The following ST6GALNAC3 variants were observed in gnomAD, a reference collection of about 807,000 sequenced individuals.
The protein encoded by ST6GALNAC3 is alpha-N-acetylgalactosaminide alpha-2,6-sialyltransferase 3.
Under a neutral mutation model 32.7 loss-of-function variants are expected in ST6GALNAC3, and 25 were observed. The ratio of observed to expected loss-of-function variants is 0.76; its 90% CI spans 0.56 to 1.07. The LOEUF (loss-of-function observed/expected upper bound fraction) is 1.07. Ranked by LOEUF, ST6GALNAC3 falls within the 50% of genes least tolerant of loss-of-function variation. ST6GALNAC3 has a pLI of 0.00. For synonymous variants in ST6GALNAC3, 129 were observed against 133.1 expected, an observed-to-expected ratio of 0.97 and a Z score of 0.21; for missense variants, 355 against 382.4, an observed-to-expected ratio of 0.93 and a Z score of 0.60.
chr1:76,598,738 TA>T (rs34725000), intron 3 of ST6GALNAC3, among the ~76,000 whole-genome samples: 26,258 of 144,848 alleles, frequency 0.18, 3,118 homozygotes, highest in African/African-American at 0.35. Flanking sequence ...CTTCACAAAT[TA>T]AAAAAAAAAA....
intron 1 of ST6GALNAC3, among the ~76,000 whole-genome samples, chr1:76,190,136 A>G (rs1202740563): frequency 1.3e-5 from 2 of 152,268 alleles, no homozygotes; most frequent in Non-Finnish European, 1.5e-5. Flanking sequence ...CACTCATGAC[A>G]TTTCACCTGT....
chr1:76,279,711 C>T (rs1482993147), intron 1 of ST6GALNAC3, among the ~76,000 whole-genome samples: 1 of 152,170 alleles, frequency 6.6e-6, no homozygotes, highest in Non-Finnish European at 1.5e-5. Flanking sequence ...GAGGGCTCCT[C>T]AGGTTTTAGA....
chr1:76,499,181 C>G (rs952422432), intron 3 of ST6GALNAC3, among the ~76,000 whole-genome samples: 2 of 152,142 alleles, frequency 1.3e-5, no homozygotes, highest in Admixed American at 1.3e-4. Context: ...TTTTCACTAA[C>G]TGGCATAATT....
At chr1:76,614,718 C>CAAAAAAAAAAAAAAAAAAAAAA (rs55744575) in intron 3 of ST6GALNAC3, among the ~76,000 whole-genome samples, 1 of 67,522 alleles carries the variant, frequency 1.5e-5, no homozygotes, top group Non-Finnish European at 2.6e-5. Context: ...GACTCCATCT[C>CAAAAAAAAAAAAAAAAAAAAAA]AAAAAAAAAA....
At chr1:76,593,176 A>T (rs953440652) in intron 3 of ST6GALNAC3, among the ~76,000 whole-genome samples, 2 of 152,184 alleles carry the variant, frequency 1.3e-5, no homozygotes, top group African/African-American at 2.4e-5. Context: ...TGAATCATTT[A>T]TCAGTTTTCC....
At position 76,633,148 on chromosome 1, in the gene ST6GALNAC3, T is replaced by C. The variant is rs1332464174; in HGVS notation, c.*4342T>C. 1.3e-5 allele frequency: 2 copies of C among 152,206 alleles called. No individual in the cohort carries two copies. Among genetic ancestry groups the C allele is most frequent in the Non-Finnish European group, 2.9e-5 (2 of 68,028 alleles). The allele number at this position is 152,206 out of a possible 1,614,324, so 9.4% of individuals were successfully genotyped here. A position where few individuals can be genotyped will look rare whatever the true frequency, so the allele number is the denominator to read the frequency against. On this transcript the variant is annotated 3_prime_UTR_variant, in exon 5 of 5. Transcript: ENST00000328299. ...AGGTGAAGTGACTTGCCTGTAGTTATAAACTGGACTAATGGCAGTACTGAG... is the reference window on the plus strand; with the variant it reads ...AGGTGAAGTGACTTGCCTGTAGTTACAAACTGGACTAATGGCAGTACTGAG...
chr1:76,206,037 G>T (rs923483541), intron 1 of ST6GALNAC3, among the ~76,000 whole-genome samples: 3 of 152,062 alleles, frequency 2.0e-5, no homozygotes, highest in African/African-American at 7.2e-5. Context: ...TCATATTATG[G>T]CTTGGTTCTA....
chr1:76,101,669 A>G (rs1647231650), intron 1 of ST6GALNAC3, among the ~76,000 whole-genome samples: 1 of 152,176 alleles, frequency 6.6e-6, no homozygotes, highest in South Asian at 2.1e-4. Context: ...TAGATTCTCA[A>G]ATTTTGTCGT....
chr1:76,108,994 C>A (rs1490319041), intron 1 of ST6GALNAC3, among the ~76,000 whole-genome samples: 1 of 152,068 alleles, frequency 6.6e-6, no homozygotes, highest in African/African-American at 2.4e-5. Flanking sequence ...AACCAGAAAG[C>A]TGCCATACTG....
chr1:76,600,433 A>T (rs940360792), intron 3 of ST6GALNAC3, among the ~76,000 whole-genome samples: 2 of 150,710 alleles, frequency 1.3e-5, no homozygotes, highest in Admixed American at 1.3e-4. Flanking sequence ...TTTCAACCCC[A>T]CCCCTATTAT....
chr1:76,422,158 A>G lies in ST6GALNAC3; in HGVS notation c.623+9741A>G, dbSNP rs149395038. Among the ~76,000 whole-genome samples the G allele has an allele frequency of 1.9e-3, 287 of 152,160 alleles. 2 individuals carry two copies. The highest frequency in any genetic ancestry group is 6.7e-3 in the African/African-American group (279 of 41,558). On this transcript the variant is annotated intron_variant, in intron 3 of 4. Transcript: ENST00000328299. ...GTTCACTAATATATCTCAAGCACCT[A>G]GAAGAATATATGTTGTGTAGTAGAC...
In ST6GALNAC3 at chr1:76,196,528, C is replaced by G. The variant is rs865984549; in HGVS notation, c.19-117277C>G. Among the ~76,000 whole-genome samples, 2 of 151,502 alleles carry G rather than the reference C, an allele frequency of 1.3e-5. 1 individual carries two copies. The highest frequency in any genetic ancestry group is 1.3e-4 in the Admixed American group (2 of 15,216). On this transcript the variant is annotated intron_variant, in intron 1 of 4. Coordinates refer to ENST00000328299, the MANE Select transcript of ST6GALNAC3 (RefSeq NM_152996.4). ...TCACCCAGGCTGGAGTGCAATGGCG[C>G]GATCTCGGCTCACTGCAGCCTCCTC... is the stretch of plus-strand genomic sequence containing the variant.
chr1:76,276,315 A>G (rs55930988), intron 1 of ST6GALNAC3, among the ~76,000 whole-genome samples: 43,702 of 151,910 alleles, frequency 0.29, 7,822 homozygotes, highest in Non-Finnish European at 0.4. Flanking sequence ...CTTTGTGTTT[A>G]TCAATATTTT....
intron 1 of ST6GALNAC3, among the ~76,000 whole-genome samples, chr1:76,248,484 A>G (rs1657435256): frequency 6.6e-6 from 1 of 152,164 alleles, no homozygotes; most frequent in African/African-American, 2.4e-5. Flanking sequence ...AGCAGTTCCT[A>G]TTTAAAGACC....
chr1:76,614,760 A>T (rs1032079706), intron 3 of ST6GALNAC3, among the ~76,000 whole-genome samples: 19 of 148,682 alleles, frequency 1.3e-4, no homozygotes, highest in Non-Finnish European at 2.5e-4. Context: ...AAAAATTAAT[A>T]AATACCAATA....
At chr1:76,158,250 T>C (rs1390451525) in intron 1 of ST6GALNAC3, among the ~76,000 whole-genome samples, 2 of 152,246 alleles carry the variant, frequency 1.3e-5, no homozygotes, top group Non-Finnish European at 2.9e-5. Context: ...ACTTTTTTTT[T>C]CTGTCTTTCC....
At chr1:76,567,290 G>T (rs1225947420) in intron 3 of ST6GALNAC3, among the ~76,000 whole-genome samples, 3 of 152,022 alleles carry the variant, frequency 2.0e-5, no homozygotes. Context: ...ATGCAAGCTG[G>T]TATAGGCTCT....
At chr1:76,542,289 A>G (rs949301218) in intron 3 of ST6GALNAC3, among the ~76,000 whole-genome samples, 2 of 152,148 alleles carry the variant, frequency 1.3e-5, no homozygotes, top group African/African-American at 4.8e-5. Context: ...TAGGGGTACT[A>G]GTTTTAGAGT....
intron 1 of ST6GALNAC3, among the ~76,000 whole-genome samples, chr1:76,159,911 A>C (rs76023592): frequency 0.023 from 3,454 of 152,226 alleles, 118 homozygotes; most frequent in African/African-American, 0.079. Flanking sequence ...CTAAGCACAG[A>C]GATGTTAAAT....
Sources: allele counts gnomAD v4.1 joint callset (sites outside exome capture counted in the v4.1 genomes callset), GRCh38; gene constraint gnomAD v4.1.1; transcripts MANE v1.5; gene names NCBI Gene and HGNC (gene_info 2026-07-23, HGNC 2026-07-21).